The following STK32A variants were observed in gnomAD, a reference collection of about 807,000 sequenced individuals.
STK32A encodes the protein serine/threonine kinase 32A.
In STK32A, 41 loss-of-function variants were observed where a neutral mutation model predicts 53.2. The ratio of observed to expected loss-of-function variants is 0.77; its 90% confidence interval spans 0.60 to 1.00. The LOEUF (loss-of-function observed/expected upper bound fraction) is 1.00. STK32A is among the 50% of genes least tolerant of loss of function. The pLI is 0.00. For synonymous variants in STK32A, 166 were observed against 162.8 expected (o/e 1.02, Z -0.15); for missense variants, 458 against 485.8 (o/e 0.94, Z 0.54).
intron 5 of STK32A, among the ~76,000 whole-genome samples, chr5:147,336,384 T>C (rs1426421286): frequency 1.4e-5 from 2 of 147,430 alleles, no homozygotes; most frequent in Non-Finnish European, 3.0e-5. Context: ...TGCTAACTCC[T>C]GGCCCAGGAG....
intron 8 of STK32A, among the ~76,000 whole-genome samples, chr5:147,368,542 C>G (rs1453641615): frequency 6.6e-6 from 1 of 152,072 alleles, no homozygotes; most frequent in Non-Finnish European, 1.5e-5. Flanking sequence ...CCATATGTGT[C>G]TTGTTCTTCA....
At chr5:147,375,916 T>C (rs1433018964) in intron 11 of STK32A, 2 of 152,198 alleles carry the variant, frequency 1.3e-5, no homozygotes, top group Non-Finnish European at 2.9e-5. Context: ...ACTTTGCCTC[T>C]AAAGGTCATC....
chr5:147,311,252 ATTTG>A (rs1272102123), intron 4 of STK32A, among the ~76,000 whole-genome samples: 5 of 152,058 alleles, frequency 3.3e-5, no homozygotes, highest in Non-Finnish European at 7.4e-5. Context: ...ATAACTACAT[ATTTG>A]TTTGTTAAAT....
At chr5:147,269,789 T>A (rs1351032960) in intron 2 of STK32A, among the ~76,000 whole-genome samples, 1 of 152,198 alleles carries the variant, frequency 6.6e-6, no homozygotes, top group Non-Finnish European at 1.5e-5. Flanking sequence ...ATTTACCAAA[T>A]AACCACATAA....
chr5:147,370,737 C>T lies in STK32A; in HGVS notation c.744C>T (p.Ala248=). ...FETTVVTYPS[A]WSQEMVSLLK... ...CGACTGTTGTAACTTACCCTTCTGC[C>T]TGGTCACAGGAAATGGTGTCACTTC... is the stretch of plus-strand genomic sequence containing the variant. The change falls in exon 9 of 13, where the codon GCC becomes GCT. Residue 248 remains alanine (A), a synonymous_variant. Transcript: ENST00000397936. 6.2e-7 allele frequency: 1 copy of T among 1,612,418 alleles called. No individual in the cohort carries two copies. The highest frequency in any genetic ancestry group is 8.5e-7 in the Non-Finnish European group (1 of 1,178,686).
rs114711835 is a variant in STK32A at position 147,315,965 on chromosome 5, T to C, written c.261-7933T>C. On this transcript the variant is annotated intron_variant, in intron 4 of 12. Transcript: ENST00000397936. ...CAATTAATCTAAGTATATATCCAGTTTGTGGCATAACCACACAAAAATGAA... is the reference window on the plus strand; with the variant it reads ...CAATTAATCTAAGTATATATCCAGTCTGTGGCATAACCACACAAAAATGAA... Among the ~76,000 whole-genome samples the C allele has an allele frequency of 7.9e-3, 1,208 of 152,310 alleles. 20 individuals are homozygous for C. The highest frequency in any genetic ancestry group is 0.027 in the African/African-American group (1,139 of 41,580).
At chr5:147,277,479 C>T (rs1384260188) in intron 2 of STK32A, among the ~76,000 whole-genome samples, 3 of 152,206 alleles carry the variant, frequency 2.0e-5, no homozygotes, top group Admixed American at 2.0e-4. Context: ...CAGTGGACTT[C>T]TGCACACATA....
intron 4 of STK32A, among the ~76,000 whole-genome samples, chr5:147,309,284 C>A (rs1174843585): frequency 2.0e-5 from 3 of 152,178 alleles, no homozygotes; most frequent in African/African-American, 4.8e-5. Flanking sequence ...AGTTCTTATG[C>A]CATTGCCTGT....
At chr5:147,344,267 AG>A (rs1246208847) in intron 6 of STK32A, among the ~76,000 whole-genome samples, 1 of 152,180 alleles carries the variant, frequency 6.6e-6, no homozygotes, top group Admixed American at 6.5e-5. Flanking sequence ...ACCTGTGCTC[AG>A]GGGGCTAAGA....
At chr5:147,394,191 G>T in the STK32A span, 96 of 1,510,180 alleles carry the variant, frequency 6.4e-5, no homozygotes, top group Non-Finnish European at 8.8e-5. Flanking sequence ...ATGTGGGCAA[G>T]AGAGAAACTG....
chr5:147,281,712 G>A (rs188296084), intron 4 of STK32A, among the ~76,000 whole-genome samples: 11 of 152,124 alleles, frequency 7.2e-5, no homozygotes, highest in East Asian at 1.9e-4. Flanking sequence ...AAACTTCCCC[G>A]GCCTTGCTAG....
rs144613217 is a variant in STK32A, at chr5:147,271,239, A to C, written c.53-6885A>C. Reference sequence around the variant, plus strand: ...AATTTCTTATGCCTGTCTTTACTGCAATCTCTGAACATAAATTGTGAAGAT... The same window carrying C: ...AATTTCTTATGCCTGTCTTTACTGCCATCTCTGAACATAAATTGTGAAGAT... On this transcript the variant is annotated intron_variant, in intron 2 of 12. Coordinates refer to ENST00000397936, the MANE Select transcript of STK32A (RefSeq NM_001112724.2). Among the ~76,000 whole-genome samples, 337 of 152,308 alleles carry C rather than the reference A, an allele frequency of 2.2e-3. 1 individual carries two copies. The highest frequency in any genetic ancestry group is 7.9e-3 in the African/African-American group (329 of 41,574).
intron 8 of STK32A, among the ~76,000 whole-genome samples, chr5:147,365,623 C>G (rs1001739374): frequency 6.6e-6 from 1 of 151,800 alleles, no homozygotes; most frequent in Non-Finnish European, 1.5e-5. Flanking sequence ...TCCCACTTCA[C>G]CCTTAATTTT....
At chr5:147,375,688 T>G (rs879456755) in intron 11 of STK32A, 2 of 153,138 alleles carry the variant, frequency 1.3e-5, no homozygotes, top group Admixed American at 6.5e-5. Context: ...ATATCAAGCC[T>G]CACAGAAGAG....
chr5:147,261,056 A>G (rs895550601), intron 2 of STK32A, among the ~76,000 whole-genome samples: 2 of 152,024 alleles, frequency 1.3e-5, no homozygotes, highest in African/African-American at 4.8e-5. Flanking sequence ...CCTTGCTGAG[A>G]GCTTGGGTTA....
chr5:147,400,714 G>A, the STK32A span: 1 of 1,614,088 alleles, frequency 6.2e-7, no homozygotes, highest in Non-Finnish European at 8.5e-7. Context: ...CCAGATGACA[G>A]ACATCCGCTC....
chr5:147,303,369 T>C (rs1373164398), intron 4 of STK32A, among the ~76,000 whole-genome samples: 1 of 152,168 alleles, frequency 6.6e-6, no homozygotes, highest in African/African-American at 2.4e-5. Context: ...GCCTAACCTT[T>C]TTCTTCTGCC....
At chr5:147,302,263 G>A (rs1316769835) in intron 4 of STK32A, among the ~76,000 whole-genome samples, 1 of 152,018 alleles carries the variant, frequency 6.6e-6, no homozygotes, top group Non-Finnish European at 1.5e-5. Flanking sequence ...ACGTTTTATT[G>A]TAATTGTTTT....
chr5:147,395,061 T>C, the STK32A span, among the ~76,000 whole-genome samples: 5,706 of 152,294 alleles, frequency 0.037, 353 homozygotes, highest in African/African-American at 0.13. Flanking sequence ...TAACACATAG[T>C]AGATGTTCAA....
Sources: gnomAD v4.1 joint callset for allele counts (sites outside exome capture counted in the v4.1 genomes callset) on GRCh38, gnomAD v4.1.1 for gene constraint, MANE v1.5 for transcripts, NCBI Gene and HGNC (gene_info 2026-07-23, HGNC 2026-07-21) for gene names.